The following CDH12 variants were observed in gnomAD, a reference collection of about 807,000 sequenced individuals.
CDH12 encodes cadherin 12, also known as cadherin-12.
Under a neutral mutation model 74.1 loss-of-function variants are expected in CDH12, and 41 were observed. That is an observed-to-expected ratio of 0.55 (90% CI 0.43 to 0.72). The LOEUF is 0.72. Ranked by LOEUF, CDH12 falls within the 30% of genes least tolerant of loss-of-function variation. CDH12 has a pLI of 0.00. For synonymous variants in CDH12, 399 were observed against 355.0 expected (o/e 1.12, Z -1.39); for missense variants, 945 against 977.2 (o/e 0.97, Z 0.44).
rs559622571 is a variant in CDH12, at chr5:22,562,040, G to A, written c.-522-56676C>T. 1.8e-3 allele frequency among the ~76,000 whole-genome samples: 272 copies of A among 152,224 alleles called. 1 individual carries two copies. Among genetic ancestry groups the A allele is most frequent in the Non-Finnish European group, 1.3e-3 (90 of 68,018 alleles). On this transcript the variant is annotated intron_variant, in intron 1 of 14. Coordinates refer to ENST00000382254, the MANE Select transcript of CDH12 (RefSeq NM_004061.5). ...TGTAATTTAAACATACATAGAGGCCGGGCGCGGTGGCTCACGCCTGTAATC... is the reference window on the plus strand; with the variant it reads ...TGTAATTTAAACATACATAGAGGCCAGGCGCGGTGGCTCACGCCTGTAATC...
At chr5:22,638,819 G>A (rs1167980710) in intron 1 of CDH12, 3 of 151,890 alleles carry the variant, frequency 2.0e-5, no homozygotes, top group African/African-American at 7.3e-5. Flanking sequence ...GGGAGGCCGA[G>A]GTAGGCATAT....
At chr5:22,136,159 G>A (rs1198284746) in intron 4 of CDH12, among the ~76,000 whole-genome samples, 2 of 151,994 alleles carry the variant, frequency 1.3e-5, no homozygotes, top group Non-Finnish European at 2.9e-5. Context: ...AGTAGAGCAG[G>A]AAAAAAGAAA....
At chr5:22,825,324 T>C (rs1422816161) in intron 1 of CDH12, among the ~76,000 whole-genome samples, 1 of 152,128 alleles carries the variant, frequency 6.6e-6, no homozygotes, top group Non-Finnish European at 1.5e-5. Context: ...CATTAAATAA[T>C]GTCTGGGAAA....
chr5:22,453,142 A>C (rs1425456984), intron 2 of CDH12, among the ~76,000 whole-genome samples: 1 of 152,056 alleles, frequency 6.6e-6, no homozygotes, highest in African/African-American at 2.4e-5. Context: ...ATGGGAATGT[A>C]AATTAGTACA....
chr5:22,802,161 G>T (rs1211076431), intron 1 of CDH12, among the ~76,000 whole-genome samples: 1 of 134,072 alleles, frequency 7.5e-6, no homozygotes, highest in African/African-American at 2.9e-5. Flanking sequence ...TCCCTCTGTC[G>T]CCCAGGCTGG....
chr5:21,985,750 T>A (rs1757490588), intron 5 of CDH12, among the ~76,000 whole-genome samples: 1 of 152,132 alleles, frequency 6.6e-6, no homozygotes. Context: ...GTTGCCTAGT[T>A]TCAAGCTAAT....
chr5:22,021,973 T>C (rs1738011792), intron 5 of CDH12, among the ~76,000 whole-genome samples: 1 of 152,138 alleles, frequency 6.6e-6, no homozygotes, highest in Non-Finnish European at 1.5e-5. Flanking sequence ...GTAGTGAGGA[T>C]TACAGTCACA....
At chr5:21,860,396 A>G (rs1490025425) in intron 6 of CDH12, among the ~76,000 whole-genome samples, 1 of 151,046 alleles carries the variant, frequency 6.6e-6, no homozygotes, top group Non-Finnish European at 1.5e-5. Flanking sequence ...GGGATTATGT[A>G]TGACTTCAGG....
chr5:22,595,828 G>C (rs993385685), intron 1 of CDH12, among the ~76,000 whole-genome samples: 3 of 152,100 alleles, frequency 2.0e-5, no homozygotes, highest in Admixed American at 1.3e-4. Context: ...TGTAATCCTA[G>C]CACTTTGGGA....
At chr5:22,629,278 C>T (rs1464758383) in intron 1 of CDH12, among the ~76,000 whole-genome samples, 1 of 151,880 alleles carries the variant, frequency 6.6e-6, no homozygotes, top group Non-Finnish European at 1.5e-5. Context: ...GATACCAAAA[C>T]CTGACAGAGA....
chr5:21,966,922 C>G (rs1756612568), intron 6 of CDH12, among the ~76,000 whole-genome samples: 1 of 152,006 alleles, frequency 6.6e-6, no homozygotes, highest in African/African-American at 2.4e-5. Flanking sequence ...ACAGAGGTTC[C>G]AAGTCTTTCA....
At chr5:22,100,460 A>T (rs7442854) in intron 4 of CDH12, among the ~76,000 whole-genome samples, 146,320 of 152,230 alleles carry the variant, frequency 0.96, 70,335 homozygotes, top group East Asian at 1. Flanking sequence ...TTCCTGGCAA[A>T]AACAAGATCA....
intron 4 of CDH12, among the ~76,000 whole-genome samples, chr5:22,189,053 T>G (rs1466939849): frequency 6.6e-6 from 1 of 152,150 alleles, no homozygotes; most frequent in African/African-American, 2.4e-5. Flanking sequence ...TTTTCTTCTG[T>G]GAAACCAATG....
intron 1 of CDH12, among the ~76,000 whole-genome samples, chr5:22,654,044 T>G (rs1486963738): frequency 6.7e-6 from 1 of 149,002 alleles, no homozygotes; most frequent in East Asian, 2.1e-4. Flanking sequence ...TTCCCCTTCC[T>G]TCCTTCCTTC....
intron 6 of CDH12, among the ~76,000 whole-genome samples, chr5:21,974,832 A>T (rs1429250728): frequency 1.3e-5 from 2 of 152,154 alleles, no homozygotes; most frequent in African/African-American, 4.8e-5. Context: ...TTTTTGCTTA[A>T]AGCATGCAAG....
intron 1 of CDH12, among the ~76,000 whole-genome samples, chr5:22,677,901 T>A (rs1301449793): frequency 6.6e-6 from 1 of 152,038 alleles, no homozygotes; most frequent in Non-Finnish European, 1.5e-5. Flanking sequence ...TTCCTGGTGA[T>A]GTCCTCAGAT....
chr5:22,415,353 C>CA (rs1211871187), intron 2 of CDH12, among the ~76,000 whole-genome samples: 1 of 152,080 alleles, frequency 6.6e-6, no homozygotes, highest in Admixed American at 6.5e-5. Context: ...GGTAAATCTG[C>CA]AAAAATGGCC....
chr5:22,534,669 A>G (rs1228478134), intron 1 of CDH12, among the ~76,000 whole-genome samples: 1 of 151,952 alleles, frequency 6.6e-6, no homozygotes, highest in Non-Finnish European at 1.5e-5. Flanking sequence ...AAGAGGCAAC[A>G]GGGGAGAGGG....
At chr5:21,791,174 A>T (rs1214191130) in intron 10 of CDH12, among the ~76,000 whole-genome samples, 1 of 152,072 alleles carries the variant, frequency 6.6e-6, no homozygotes, top group African/African-American at 2.4e-5. Context: ...GCATCTTCCC[A>T]GTGCTCTGTC....
Sources: gnomAD v4.1 joint callset for allele counts (sites outside exome capture counted in the v4.1 genomes callset) on GRCh38, gnomAD v4.1.1 for gene constraint, MANE v1.5 for transcripts, NCBI Gene and HGNC (gene_info 2026-07-23, HGNC 2026-07-21) for gene names.